NRXN3: variants seen among roughly 807,000 people sequenced by gnomAD.
NRXN3 encodes neurexin 3, also known as neurexin III.
NRXN3 carries 32 observed loss-of-function variants against 137.6 expected under a neutral mutation model. The observed-to-expected ratio is 0.23, with a 90% CI of 0.18 to 0.31. NRXN3 has a LOEUF of 0.31. NRXN3 is among the 10% of genes least tolerant of loss of function. The pLI, the probability that NRXN3 is intolerant of heterozygous loss-of-function variation, is 1.00. For missense variants in NRXN3, 1,574 were observed against 2,062.5 expected (o/e 0.76, Z 4.59); for synonymous variants, 798 against 784.5 (o/e 1.02, Z -0.29).
chr14:78,683,539 T>C (rs2098097223), intron 6 of NRXN3, among the ~76,000 whole-genome samples: 1 of 152,168 alleles, frequency 6.6e-6, no homozygotes, highest in Non-Finnish European at 1.5e-5. Flanking sequence ...CAAAGCAGAA[T>C]ATGGAAGGGT....
Position 79,786,604 on chromosome 14 carries a change from G to C in NRXN3, c.4015-18508G>C, listed in dbSNP as rs898553214. Among the ~76,000 whole-genome samples the C allele has an allele frequency of 3.9e-5, 6 of 152,158 alleles. No homozygotes were observed. In the South Asian group the frequency reaches 6.2e-4, roughly 16 times the overall value. On this transcript the variant is annotated intron_variant, in intron 19 of 20. Transcript: ENST00000335750. ...CTGCATTTAAAAGTGTTTAGAGACT[G>C]CCTTGTGTGTTAATGTGTGCTGTGC...
At chr14:79,801,596 T>A (rs1282607660) in intron 19 of NRXN3, among the ~76,000 whole-genome samples, 3 of 151,710 alleles carry the variant, frequency 2.0e-5, no homozygotes, top group South Asian at 4.2e-4. Flanking sequence ...CGTAGAGGAG[T>A]TGGGATTCAC....
At chr14:78,536,398 G>A (rs1426431767) in intron 4 of NRXN3, among the ~76,000 whole-genome samples, 1 of 152,106 alleles carries the variant, frequency 6.6e-6, no homozygotes, top group African/African-American at 2.4e-5. Flanking sequence ...TTGGTCTGAA[G>A]GTTTGCTTCT....
intron 19 of NRXN3, among the ~76,000 whole-genome samples, chr14:79,705,234 A>G (rs559726284): frequency 1.4e-4 from 21 of 152,012 alleles, no homozygotes; most frequent in East Asian, 3.9e-4. Context: ...GTGTTTTTAA[A>G]CCTCAGGGTG....
intron 4 of NRXN3, among the ~76,000 whole-genome samples, chr14:78,609,252 C>T (rs929013246): frequency 6.7e-6 from 1 of 150,280 alleles, no homozygotes; most frequent in African/African-American, 2.5e-5. Context: ...TAGTTAAGGG[C>T]AGGGTAGAGA....
chr14:78,891,452 A>G (rs2099158665), intron 10 of NRXN3, among the ~76,000 whole-genome samples: 1 of 151,910 alleles, frequency 6.6e-6, no homozygotes, highest in African/African-American at 2.4e-5. Flanking sequence ...GTGAGTATTT[A>G]GGTGTGAGTA....
intron 6 of NRXN3, among the ~76,000 whole-genome samples, chr14:78,662,822 A>T (rs1446369681): frequency 6.6e-6 from 1 of 152,190 alleles, no homozygotes; most frequent in Non-Finnish European, 1.5e-5. Context: ...GTTCCCAGCC[A>T]CTATCATCAC....
intron 4 of NRXN3, among the ~76,000 whole-genome samples, chr14:78,581,944 G>A (rs1424674597): frequency 6.6e-6 from 1 of 152,230 alleles, no homozygotes; most frequent in African/African-American, 2.4e-5. Flanking sequence ...CTCAGCATTA[G>A]CTTCTCTTCA....
intron 17 of NRXN3, among the ~76,000 whole-genome samples, chr14:79,688,251 G>A (rs1049272404): frequency 1.3e-5 from 2 of 152,118 alleles, no homozygotes; most frequent in Non-Finnish European, 2.9e-5. Flanking sequence ...ATGGTAAATT[G>A]AGAAATGGGG....
intron 4 of NRXN3, among the ~76,000 whole-genome samples, chr14:78,391,827 C>T (rs1223006011): frequency 1.3e-5 from 2 of 152,028 alleles, no homozygotes. Flanking sequence ...ATAATTCTCC[C>T]ATAAAGAACT....
intron 4 of NRXN3, among the ~76,000 whole-genome samples, chr14:78,392,673 A>G (rs1001488479): frequency 6.6e-6 from 1 of 152,170 alleles, no homozygotes; most frequent in Non-Finnish European, 1.5e-5. Context: ...TTAGTGCTCT[A>G]TACATGTAAA....
intron 19 of NRXN3, among the ~76,000 whole-genome samples, chr14:79,763,557 A>AAGTT (rs1286699600): frequency 6.6e-6 from 1 of 151,602 alleles, no homozygotes. Context: ...AAATGCCACA[A>AAGTT]AGTTAGGTAC....
At chr14:79,319,372 A>T (rs1329893210) in intron 15 of NRXN3, among the ~76,000 whole-genome samples, 2 of 152,198 alleles carry the variant, frequency 1.3e-5, no homozygotes, top group African/African-American at 4.8e-5. Flanking sequence ...CTGAGCATCT[A>T]GAAGATTTAA....
At position 79,095,733 on chromosome 14, in the gene NRXN3, A is replaced by T. The variant is rs138801237; in HGVS notation, c.3262+107592A>T. ...AGTTTTTCTCCCTAATTATCTGTAC[A>T]CCTCCACTGGAATTCTTGCGAAGGT... On this transcript the variant is annotated intron_variant, in intron 15 of 20. Transcript: ENST00000335750. Among the ~76,000 whole-genome samples the T allele has an allele frequency of 3.9e-5, 6 of 152,208 alleles. No homozygotes were observed. In the East Asian group the frequency reaches 1.2e-3, roughly 29 times the overall value.
At chr14:78,218,075 A>T (rs1044888700) in intron 1 of NRXN3, among the ~76,000 whole-genome samples, 2 of 152,228 alleles carry the variant, frequency 1.3e-5, no homozygotes, top group Non-Finnish European at 2.9e-5. Flanking sequence ...GTATGTGTAT[A>T]TAATATACTT....
intron 19 of NRXN3, among the ~76,000 whole-genome samples, chr14:79,794,826 T>C (rs374211579): frequency 3.3e-4 from 51 of 152,294 alleles, no homozygotes; most frequent in African/African-American, 1.0e-3. Flanking sequence ...TCCTGTGCCA[T>C]TGGGGCATCA....
intron 10 of NRXN3, among the ~76,000 whole-genome samples, chr14:78,927,218 A>T (rs932996407): frequency 1.3e-5 from 2 of 150,752 alleles, no homozygotes; most frequent in South Asian, 4.2e-4. Flanking sequence ...GTGCTGATCA[A>T]CAAGGTAGAC....
intron 19 of NRXN3, among the ~76,000 whole-genome samples, chr14:79,799,781 C>T (rs1035718917): frequency 3.9e-5 from 6 of 152,160 alleles, no homozygotes; most frequent in African/African-American, 1.4e-4. Flanking sequence ...CCTTCCTTCA[C>T]ACATTAATGC....
intron 8 of NRXN3, among the ~76,000 whole-genome samples, chr14:78,717,496 G>GT (rs1487953690): frequency 1.3e-5 from 2 of 152,176 alleles, no homozygotes; most frequent in African/African-American, 2.4e-5. Context: ...CCTACTAATT[G>GT]TTTTTTGCCC....
Sources: gnomAD v4.1 joint callset for allele counts (sites outside exome capture counted in the v4.1 genomes callset) on GRCh38, gnomAD v4.1.1 for gene constraint, MANE v1.5 for transcripts, NCBI Gene and HGNC (gene_info 2026-07-23, HGNC 2026-07-21) for gene names.